The following PFAS variants were observed in gnomAD, a reference collection of about 807,000 sequenced individuals.
PFAS encodes FGAM synthase.
Under a neutral mutation model 140.6 loss-of-function variants are expected in PFAS, and 97 were observed. That is an observed-to-expected ratio of 0.69 (90% CI 0.59 to 0.82). PFAS has a LOEUF of 0.82. PFAS is among the 40% of genes least tolerant of loss of function. PFAS has a pLI of 0.00. For missense variants in PFAS, 1,656 were observed against 1,780.2 expected (o/e 0.93, Z 1.26); for synonymous variants, 679 against 718.8 (o/e 0.94, Z 0.88).
At chr17:8,253,536 T>TTTTTA (rs1391149373) in intron 1 of PFAS, among the ~76,000 whole-genome samples, 2 of 152,150 alleles carry the variant, frequency 1.3e-5, no homozygotes, top group African/African-American at 4.8e-5. Flanking sequence ...GTTAATGTTA[T>TTTTTA]TTTTATTTTA....
In PFAS at chr17:8,265,445, G is replaced by C; in HGVS notation, c.2438G>C (p.Gly813Ala). The stretch of plus-strand genomic sequence containing the variant: ...TCCCTCAGCATGGCTGCTCGGGTTG[G>C]CACTGAGACCGTGCGGGCTCCTGGT... ...KDSLSMAARV[G>A]TETVRAPGSL... is the part of the protein sequence containing the mutation. Residue 813 changes from glycine to alanine, a missense_variant, in exon 19 of 28, where the codon GGC becomes GCC. Gly to Ala is a moderately conservative substitution (Grantham distance 60). Coordinates refer to ENST00000314666, the MANE Select transcript of PFAS (RefSeq NM_012393.3). The C allele has an allele frequency of 6.2e-7, 1 of 1,614,162 alleles. No individual in the cohort carries two copies. The highest frequency in any genetic ancestry group is 2.2e-5 in the East Asian group (1 of 44,884).
Position 8,264,242 on chromosome 17 carries a change from G to C in PFAS, c.1822G>C (p.Val608Leu), listed in dbSNP as rs1403643419. The C allele has an allele frequency of 3.1e-6, 5 of 1,614,118 alleles. No homozygotes were observed. Among genetic ancestry groups the C allele is most frequent in the Admixed American group, 3.3e-5 (2 of 60,014 alleles). The change falls in exon 16 of 28, where the codon GTC (valine) becomes CTC (leucine). Residue 608 changes from valine (V) to leucine (L), a missense_variant. By Grantham distance (32) the Val-to-Leu change is conservative. Around this residue, in one of 2 missense-constraint regions of PFAS, gnomAD observed 883 missense variants for 1,023.0 expected, o/e 0.86. Transcript: ENST00000314666. Reference protein sequence around the residue: ...IVLVDDRECPVRRNGQGDAPP... With the variant: ...IVLVDDRECPLRRNGQGDAPP... ...GCTGGTGGACGATCGGGAGTGTCCT[G>C]TCAGAAGAAATGGCCAGGGGGATGC...
chr17:8,252,459 A>G (rs1442747677), intron 1 of PFAS, among the ~76,000 whole-genome samples: 1 of 151,836 alleles, frequency 6.6e-6, no homozygotes, highest in African/African-American at 2.4e-5. Flanking sequence ...GCTGGAGTGC[A>G]ATGGCTCGAT....
At chr17:8,249,685 T>C (rs1989067673) in intron 1 of PFAS, among the ~76,000 whole-genome samples, 1 of 152,166 alleles carries the variant, frequency 6.6e-6, no homozygotes, top group Non-Finnish European at 1.5e-5. Flanking sequence ...GAAGCTTATA[T>C]TTTACTGGGA....
intron 11 of PFAS, among the ~76,000 whole-genome samples, chr17:8,261,209 C>G (rs1445788693): frequency 6.6e-6 from 1 of 151,760 alleles, no homozygotes; most frequent in African/African-American, 2.4e-5. Context: ...TCTCTAATGA[C>G]TAATGATGTT....
intron 15 of PFAS, 112 bp downstream of exon 15, chr17:8,264,048 G>C: frequency 1.4e-6 from 2 of 1,469,458 alleles, no homozygotes; most frequent in Non-Finnish European, 1.9e-6. Flanking sequence ...ATGGGAGGTA[G>C]TGGCAAACAA....
intron 27 of PFAS, 30 bp from the exon 28 acceptor site, chr17:8,268,924 G>C (rs765158616): frequency 6.2e-7 from 1 of 1,613,412 alleles, no homozygotes; most frequent in South Asian, 1.1e-5. Context: ...AAGGACCTTG[G>C]CTCTCACTTC....
chr17:8,256,206 A>G (rs1048845299), intron 6 of PFAS, 61 bp from the exon 7 acceptor site: 235 of 1,549,860 alleles, frequency 1.5e-4, no homozygotes, highest in Non-Finnish European at 2.0e-4. Flanking sequence ...GTGAGAAGAC[A>G]TGGCATTAAG....
chr17:8,256,504 C>T lies in PFAS; in HGVS notation c.822-20C>T, dbSNP rs764975122. The stretch of plus-strand genomic sequence containing the variant: ...TAGGTCCCAGAAAGGAAGCAAGGTC[C>T]ATGACGGGTATGTCCACAGTGCAAT... On this transcript the variant is annotated intron_variant, in intron 7 of 27. Coordinates refer to ENST00000314666, the MANE Select transcript of PFAS (RefSeq NM_012393.3). 12 of 1,613,886 alleles carry T rather than the reference C, an allele frequency of 7.4e-6. No homozygotes were observed. In the Admixed American group the frequency reaches 1.8e-4, roughly 25 times the overall value.
chr17:8,260,742 A>T (rs1400029614), intron 11 of PFAS, among the ~76,000 whole-genome samples: 1 of 152,264 alleles, frequency 6.6e-6, no homozygotes, highest in South Asian at 2.1e-4. Context: ...CTCCTGCCTC[A>T]GCCTCCCGAG....
chr17:8,263,969 T>C lies in PFAS; in HGVS notation c.1791+33T>C, dbSNP rs763592278. The C allele has an allele frequency of 3.7e-6, 6 of 1,607,068 alleles. No homozygotes were observed. The African/African-American group carries it at 5.3e-5, about 14-fold the overall frequency. ...GGCCCAGGGAGTTGGGAGCAAACACTGGGGCAGACATGAGCCACCTGGGTA... is the reference window on the plus strand; with the variant it reads ...GGCCCAGGGAGTTGGGAGCAAACACCGGGGCAGACATGAGCCACCTGGGTA... On this transcript the variant is annotated intron_variant, in intron 15 of 27. Transcript: ENST00000314666.
At position 8,259,110 on chromosome 17, in the gene PFAS, C is replaced by T. The variant is rs1597421410; in HGVS notation, c.1336+911C>T. 2.1e-5 allele frequency among the ~76,000 whole-genome samples: 3 copies of T among 143,664 alleles called. No individual in the cohort carries two copies. The South Asian group carries it at 6.8e-4, about 33-fold the overall frequency. 94.2% of individuals were successfully genotyped at this position (143,664 alleles called of 152,430 possible). A position where few individuals can be genotyped will look rare whatever the true frequency, so the allele number is the denominator to read the frequency against. On this transcript the variant is annotated intron_variant, in intron 11 of 27. Coordinates refer to ENST00000314666, the MANE Select transcript of PFAS (RefSeq NM_012393.3). ...GCAGTGAGTGGAGATCGCACCACTGCGATCGCACCACTGTCAAAAAAAAAA... is the reference window on the plus strand; with the variant it reads ...GCAGTGAGTGGAGATCGCACCACTGTGATCGCACCACTGTCAAAAAAAAAA...
chr17:8,266,744 C>T lies in PFAS; in HGVS notation c.2822-9C>T, dbSNP rs1989830177. On this transcript the variant is annotated splice_polypyrimidine_tract_variant and intron_variant, in intron 22 of 27. Transcript: ENST00000314666. This position sits in a 1 kb window ranked among gnomAD's most constrained non-coding sequence, Gnocchi z 5.0. Reference sequence around the variant, plus strand: ...TGCATCCCCCTGACTCCCCACATTGCTCTCCCAGTCCTGTCTGTGCTGTTC... The same window carrying T: ...TGCATCCCCCTGACTCCCCACATTGTTCTCCCAGTCCTGTCTGTGCTGTTC... 6.3e-7 allele frequency: 1 copy of T among 1,590,382 alleles called. No individual in the cohort carries two copies. Among genetic ancestry groups the T allele is most frequent in the Non-Finnish European group, 8.5e-7 (1 of 1,169,960 alleles).
intron 11 of PFAS, among the ~76,000 whole-genome samples, chr17:8,260,847 A>G (rs796765703): frequency 1.3e-5 from 2 of 151,772 alleles, no homozygotes; most frequent in African/African-American, 4.8e-5. Flanking sequence ...GGTGGTCTCT[A>G]TCTCCCGATC....
upstream of PFAS, chr17:8,247,615 G>A (rs1379235869): frequency 1.1e-5 from 2 of 181,994 alleles, no homozygotes; most frequent in Non-Finnish European, 2.4e-5. Context: ...AGCCCCTTTC[G>A]GCGCTTTTTG....
In PFAS at chr17:8,256,567, C is replaced by T; in HGVS notation, c.865C>T (p.Pro289Ser). 1 of 1,614,036 alleles carries T rather than the reference C, an allele frequency of 6.2e-7. No individual in the cohort carries two copies. Among genetic ancestry groups the T allele is most frequent in the Non-Finnish European group, 8.5e-7 (1 of 1,179,994 alleles). ...KEVRFLRPED[P>S]TRPSRFQQQQ... is the part of the protein sequence containing the mutation. ...AGTCCGATTCCTACGGCCTGAGGAC[C>T]CCACACGGCCAAGCCGCTTCCAGCA... Residue 289 changes from proline (P) to serine (S), a missense_variant, in exon 8 of 28, where the codon CCC (proline) becomes TCC (serine). Around this residue, in one of 2 missense-constraint regions of PFAS, gnomAD observed 773 missense variants for 757.3 expected, o/e 1.02. Coordinates refer to ENST00000314666, the MANE Select transcript of PFAS (RefSeq NM_012393.3).
In PFAS at chr17:8,263,790, C is replaced by T. The variant is rs1445463500; in HGVS notation, c.1645C>T (p.Leu549=). ...TSRFQLGDPT[L]NALEIWGAEY... ...GGCTGTGCAGCTTGGGGACCCAACC[C>T]TGAATGCCCTGGAAATCTGGGGGGC... Residue 549 remains leucine, a synonymous_variant, in exon 15 of 28, where the codon CTG becomes TTG. Coordinates refer to ENST00000314666, the MANE Select transcript of PFAS (RefSeq NM_012393.3). 1 of 1,613,874 alleles carries T rather than the reference C, an allele frequency of 6.2e-7. No individual in the cohort carries two copies. The highest frequency in any genetic ancestry group is 1.3e-5 in the African/African-American group (1 of 74,926).
rs955211670 is a variant in PFAS at position 8,264,457 on chromosome 17, G to T, written c.1918-13G>T. 1 of 1,613,416 alleles carries T rather than the reference G, an allele frequency of 6.2e-7. No homozygotes were observed. The highest frequency in any genetic ancestry group is 2.2e-5 in the East Asian group (1 of 44,878). On this transcript the variant is annotated splice_polypyrimidine_tract_variant and intron_variant, in intron 16 of 27. Transcript: ENST00000314666. ...CCAGGTGTTCACACTGCCTGTCGCT[G>T]TCTGTGTTGCAGGAGTTCTTCCTGC...
chr17:8,254,632 G>A lies in PFAS; in HGVS notation c.278+331G>A, dbSNP rs539183092. ...ATCCTGGCTAACACGGTGAAGCCTC[G>A]TCTCTACTAAAAATACAAAAAATTA... On this transcript the variant is annotated intron_variant, in intron 3 of 27. Transcript: ENST00000314666. 1.5e-4 allele frequency among the ~76,000 whole-genome samples: 23 copies of A among 152,110 alleles called. No individual in the cohort carries two copies. The East Asian group carries it at 1.9e-3, about 13-fold the overall frequency.
Sources: allele counts gnomAD v4.1 joint callset (sites outside exome capture counted in the v4.1 genomes callset), GRCh38; gene constraint gnomAD v4.1.1; regional missense constraint gnomAD v4.1.1; non-coding constraint Gnocchi (gnomAD v3.1); transcripts MANE v1.5; gene names NCBI Gene and HGNC (gene_info 2026-07-23, HGNC 2026-07-21).